The following CDKN2D variants were observed in gnomAD, a reference collection of about 807,000 sequenced individuals.
CDKN2D encodes the protein cyclin dependent kinase inhibitor 2D.
A neutral mutation model predicts 4.7 loss-of-function variants in CDKN2D; 3 were observed. The ratio of observed to expected loss-of-function variants is 0.64; its 90% CI spans 0.29 to 1.66. CDKN2D has a LOEUF of 1.66. Among genes scored for constraint, CDKN2D ranks in the 40% most tolerant of loss-of-function variants. The pLI, the probability that CDKN2D is intolerant of heterozygous loss-of-function variation, is 0.10. For missense variants in CDKN2D, 196 were observed against 230.9 expected, an observed-to-expected ratio of 0.85 and a Z score of 0.98; for synonymous variants, 91 against 102.3, an observed-to-expected ratio of 0.89 and a Z score of 0.67.
intron 1 of CDKN2D, 28 bp from the exon 2 acceptor site, chr19:10,567,445 T>C (rs1043113430): frequency 6.3e-7 from 1 of 1,587,350 alleles, no homozygotes; most frequent in Non-Finnish European, 8.6e-7. Context: ...GATCAGGAGG[T>C]CCTCAAGGGA....
chr19:10,568,366 A>T, intron 1 of CDKN2D, 147 bp downstream of exon 1: 1 of 690,864 alleles, frequency 1.4e-6, no homozygotes, highest in Non-Finnish European at 2.0e-6. Context: ...TCGAAGGGGG[A>T]CTGTGGGGGA....
intron 1 of CDKN2D, among the ~76,000 whole-genome samples, chr19:10,568,250 C>T (rs1916955644): frequency 6.6e-6 from 1 of 152,228 alleles, no homozygotes. Context: ...AGAACCTCCC[C>T]AGGGAAAGTG....
At position 10,566,985 on chromosome 19, in the gene CDKN2D, A is replaced by G; in HGVS notation, c.*73T>C. 6 of 1,453,610 alleles carry G rather than the reference A, an allele frequency of 4.1e-6. No individual in the cohort carries two copies. The highest frequency in any genetic ancestry group is 5.5e-6 in the Non-Finnish European group (6 of 1,086,936). 90.0% of individuals were successfully genotyped at this position (1,453,610 alleles called of 1,614,324 possible). A position where few individuals can be genotyped will look rare whatever the true frequency, so the allele number is the denominator to read the frequency against. On this transcript the variant is annotated 3_prime_UTR_variant, in exon 2 of 2. Transcript: ENST00000393599. The stretch of plus-strand genomic sequence containing the variant: ...AGCAGTGGGCAGGAGAAACAAGAAG[A>G]GAAAGTGTTTCTTCCCCTCTCTTCT...
Position 10,568,694 on chromosome 19 carries a change from GC to G in CDKN2D, c.-42del. On this transcript the variant is annotated 5_prime_UTR_variant, in exon 1 of 2. Coordinates refer to ENST00000393599, the MANE Select transcript of CDKN2D (RefSeq NM_001800.4). ...CTGCAAAGCCCCCCGCCCCGCCCCA[GC>G]CCGGCGCTGTCAGCGCGGAGCAGCC... The G allele has an allele frequency of 7.6e-7, 1 of 1,313,530 alleles. No individual in the cohort carries two copies. Among genetic ancestry groups the G allele is most frequent in the Non-Finnish European group, 9.7e-7 (1 of 1,033,240 alleles). 81.4% of individuals were successfully genotyped at this position (1,313,530 alleles called of 1,614,324 possible).
chr19:10,567,107 G>A lies in CDKN2D; in HGVS notation c.452C>T (p.Ala151Val), dbSNP rs1281922766. The A allele has an allele frequency of 1.2e-6, 2 of 1,613,748 alleles. No individual in the cohort carries two copies. The highest frequency in any genetic ancestry group is 4.5e-5 in the East Asian group (2 of 44,888). Reference protein sequence around the residue: ...TPLELALQRGAQDLVDILQGH... With the variant: ...TPLELALQRGVQDLVDILQGH... ...CTGCAGGATGTCCACGAGGTCCTGA[G>A]CCCCTCTCTGCAGTGCCAGCTCCAA... Residue 151 changes from alanine to valine, a missense_variant, in exon 2 of 2, where the codon GCT becomes GTT. Physicochemically the swap from Ala to Val is moderately conservative, Grantham distance 64. Coordinates refer to ENST00000393599, the MANE Select transcript of CDKN2D (RefSeq NM_001800.4).
Position 10,568,380 on chromosome 19 carries a change from A to G in CDKN2D, c.141+133T>C, listed in dbSNP as rs1485018064. On this transcript the variant is annotated intron_variant, in intron 1 of 1. Transcript: ENST00000393599. ...TTCGAAGGGGGACTGTGGGGGAACAATGAAAGCCTAGAGAAGAAGGACCGG... is the reference window on the plus strand; with the variant it reads ...TTCGAAGGGGGACTGTGGGGGAACAGTGAAAGCCTAGAGAAGAAGGACCGG... The G allele has an allele frequency of 7.7e-6, 6 of 779,176 alleles. No individual in the cohort carries two copies. The Admixed American group carries it at 1.6e-4, about 21-fold the overall frequency. The allele number at this position is 779,176 out of a possible 1,614,324, so 48.3% of individuals were successfully genotyped here.
In CDKN2D at chr19:10,568,927, C is replaced by T. The variant is rs1043451194; in HGVS notation, c.-274G>A. 4.6e-6 allele frequency: 1 copy of T among 215,450 alleles called. No individual in the cohort carries two copies. Among genetic ancestry groups the T allele is most frequent in the African/African-American group, 2.3e-5 (1 of 43,538 alleles). The allele number at this position is 215,450 out of a possible 1,614,324, so 13.3% of individuals were successfully genotyped here. The stretch of plus-strand genomic sequence containing the variant: ...TGCCCGGCGCCCGCCCCTTGGGGGC[C>T]GGGTCTCCCCCTAACTCACCCTCCC... On this transcript the variant is annotated 5_prime_UTR_variant, in exon 1 of 2. Coordinates refer to ENST00000393599, the MANE Select transcript of CDKN2D (RefSeq NM_001800.4).
rs1242455003 is a variant in CDKN2D, at chr19:10,567,456, G to A, written c.142-39C>T. 6 of 1,574,474 alleles carry A rather than the reference G, an allele frequency of 3.8e-6. No individual in the cohort carries two copies. In the South Asian group the frequency reaches 4.6e-5, roughly 12 times the overall value. On this transcript the variant is annotated intron_variant, in intron 1 of 1. Coordinates refer to ENST00000393599, the MANE Select transcript of CDKN2D (RefSeq NM_001800.4). The stretch of plus-strand genomic sequence containing the variant: ...AGAGGATCAGGAGGTCCTCAAGGGA[G>A]GAGGTTCCACAAAAGGGGTCACTGG...
In CDKN2D at chr19:10,568,576, G is replaced by A. The variant is rs1296430227; in HGVS notation, c.78C>T (p.Arg26=). The change falls in exon 1 of 2, where the codon CGC becomes CGT. Residue 26 remains arginine (R), a synonymous_variant. Transcript: ENST00000393599. ...GATGCACCAGCTCCCGGTGCAGAAG[G>A]CGGCGCACCTCCTGCACGTCGCCCC... ...AARGDVQEVR[R]LLHRELVHPD... The A allele has an allele frequency of 7.3e-6, 11 of 1,502,386 alleles. No individual in the cohort carries two copies. The highest frequency in any genetic ancestry group is 9.7e-6 in the Non-Finnish European group (11 of 1,130,444). 93.1% of individuals were successfully genotyped at this position (1,502,386 alleles called of 1,614,324 possible).
At position 10,567,250 on chromosome 19, in the gene CDKN2D, A is replaced by C; in HGVS notation, c.309T>G (p.Pro103=). 1 of 1,614,166 alleles carries C rather than the reference A, an allele frequency of 6.2e-7. No homozygotes were observed. Among genetic ancestry groups the C allele is most frequent in the African/African-American group, 1.3e-5 (1 of 75,054 alleles). Residue 103 remains proline, a synonymous_variant, in exon 2 of 2, where the codon CCT becomes CCG. Coordinates refer to ENST00000393599, the MANE Select transcript of CDKN2D (RefSeq NM_001800.4). The part of the protein sequence containing the change: ...LVEHGADVNV[P]DGTGALPIHL... Reference sequence around the variant, plus strand: ...GGATTGGAAGTGCCCCGGTGCCATCAGGCACGTTGACATCAGCCCCGTGCT... The same window carrying C: ...GGATTGGAAGTGCCCCGGTGCCATCCGGCACGTTGACATCAGCCCCGTGCT...
chr19:10,566,644 CT>C lies in CDKN2D; in HGVS notation c.*413del. 3.8e-6 allele frequency: 1 copy of C among 264,276 alleles called. No homozygotes were observed. Among genetic ancestry groups the C allele is most frequent in the East Asian group, 5.5e-5 (1 of 18,198 alleles). The allele number at this position is 264,276 out of a possible 1,614,324, so 16.4% of individuals were successfully genotyped here. On this transcript the variant is annotated 3_prime_UTR_variant, in exon 2 of 2. Transcript: ENST00000393599. ...TCTACCTTCTTATTGATTTGGGACG[CT>C]CCCCCCACCCCCCATGCCTGAAGCA...
chr19:10,568,456 T>C, intron 1 of CDKN2D, 57 bp downstream of exon 1: 1 of 1,305,282 alleles, frequency 7.7e-7, no homozygotes, highest in Non-Finnish European at 9.8e-7. Context: ...AGCTCTGGGG[T>C]CTCGATCCTC....
At chr19:10,567,600 AC>A (rs570455802) in intron 1 of CDKN2D, among the ~76,000 whole-genome samples, 183 bp from the exon 2 acceptor site, 34 of 129,590 alleles carry the variant, frequency 2.6e-4, no homozygotes, top group South Asian at 2.5e-3. Flanking sequence ...GGGAATAGGG[AC>A]CCCCCCCAAA....
rs1237901502 is a variant in CDKN2D, at chr19:10,568,551, G to A, written c.103C>T (p.Pro35Ser). The A allele has an allele frequency of 2.7e-6, 4 of 1,497,222 alleles. No homozygotes were observed. The highest frequency in any genetic ancestry group is 3.6e-6 in the Non-Finnish European group (4 of 1,125,426). The allele number at this position is 1,497,222 out of a possible 1,614,324, so 92.7% of individuals were successfully genotyped here. A position where few individuals can be genotyped will look rare whatever the true frequency, so the allele number is the denominator to read the frequency against. ...TTGCCGAAGCGGTTGAGGGCGTCGG[G>A]ATGCACCAGCTCCCGGTGCAGAAGG... ...RRLLHRELVHPDALNRFGKTA... is the reference protein window; with the variant it reads ...RRLLHRELVHSDALNRFGKTA... Residue 35 changes from proline to serine, a missense_variant, in exon 1 of 2, where the codon CCC becomes TCC. Pro to Ser is a moderately conservative substitution (Grantham distance 74). Transcript: ENST00000393599.
In CDKN2D at chr19:10,566,887, G is replaced by C. The variant is rs1031007044; in HGVS notation, c.*171C>G. The C allele has an allele frequency of 9.3e-6, 6 of 644,092 alleles. No individual in the cohort carries two copies. The African/African-American group carries it at 1.1e-4, about 12-fold the overall frequency. 39.9% of individuals were successfully genotyped at this position (644,092 alleles called of 1,614,324 possible). A position where few individuals can be genotyped will look rare whatever the true frequency, so the allele number is the denominator to read the frequency against. ...CAAAAGGAGTGAGAAAAACAAATGA[G>C]AAACGTCCCCCAAACACTCACACCC... On this transcript the variant is annotated 3_prime_UTR_variant, in exon 2 of 2. Transcript: ENST00000393599.
In CDKN2D at chr19:10,568,499, C is replaced by T. The variant is rs1266881221; in HGVS notation, c.141+14G>A. 2.9e-6 allele frequency: 4 copies of T among 1,374,462 alleles called. No individual in the cohort carries two copies. Among genetic ancestry groups the T allele is most frequent in the Non-Finnish European group, 2.8e-6 (3 of 1,058,528 alleles). The allele number at this position is 1,374,462 out of a possible 1,614,324, so 85.1% of individuals were successfully genotyped here. On this transcript the variant is annotated intron_variant, in intron 1 of 1. Coordinates refer to ENST00000393599, the MANE Select transcript of CDKN2D (RefSeq NM_001800.4). ...TTAGCCGCCCCGCCCCAACCTGGACCGGCCCGGCCTCACCTGCAGCGCCGT... is the reference window on the plus strand; with the variant it reads ...TTAGCCGCCCCGCCCCAACCTGGACTGGCCCGGCCTCACCTGCAGCGCCGT...
In CDKN2D at chr19:10,568,543, G is replaced by A. The variant is rs1233462997; in HGVS notation, c.111C>T (p.Ala37=). The change falls in exon 1 of 2, where the codon GCC becomes GCT. Residue 37 remains alanine, a synonymous_variant. Coordinates refer to ENST00000393599, the MANE Select transcript of CDKN2D (RefSeq NM_001800.4). ...LLHRELVHPD[A]LNRFGKTALQ... Reference sequence around the variant, plus strand: ...GCGCCGTCTTGCCGAAGCGGTTGAGGGCGTCGGGATGCACCAGCTCCCGGT... The same window carrying A: ...GCGCCGTCTTGCCGAAGCGGTTGAGAGCGTCGGGATGCACCAGCTCCCGGT... 3 of 1,484,794 alleles carry A rather than the reference G, an allele frequency of 2.0e-6. No homozygotes were observed. Among genetic ancestry groups the A allele is most frequent in the Non-Finnish European group, 2.7e-6 (3 of 1,117,426 alleles). 92.0% of individuals were successfully genotyped at this position (1,484,794 alleles called of 1,614,324 possible).
rs576239492 is a variant in CDKN2D, at chr19:10,566,653, C to G, written c.*405G>C. On this transcript the variant is annotated 3_prime_UTR_variant, in exon 2 of 2. Transcript: ENST00000393599. Reference sequence around the variant, plus strand: ...TTATTGATTTGGGACGCTCCCCCCACCCCCCATGCCTGAAGCAACGTGCAC... The same window carrying G: ...TTATTGATTTGGGACGCTCCCCCCAGCCCCCATGCCTGAAGCAACGTGCAC... The G allele has an allele frequency of 7.7e-6, 2 of 260,992 alleles. No individual in the cohort carries two copies. Among genetic ancestry groups the G allele is most frequent in the East Asian group, 5.6e-5 (1 of 17,826 alleles). The allele number at this position is 260,992 out of a possible 1,614,324, so 16.2% of individuals were successfully genotyped here.
intron 1 of CDKN2D, 35 bp downstream of exon 1, chr19:10,568,478 C>A: frequency 1.5e-6 from 2 of 1,330,338 alleles, no homozygotes; most frequent in East Asian, 2.9e-5. Context: ...TCCCGCTTAG[C>A]CGCCCCGCCC....
Sources: gnomAD v4.1 joint callset for allele counts (sites outside exome capture counted in the v4.1 genomes callset) on GRCh38, gnomAD v4.1.1 for gene constraint, MANE v1.5 for transcripts, NCBI Gene and HGNC (gene_info 2026-07-23, HGNC 2026-07-21) for gene names.